The following LINC00305 variants were observed in gnomAD, a reference collection of about 807,000 sequenced individuals.
LINC00305 encodes long independently transcribed non-coding RNA 305.
Position 64,105,943 on chromosome 18 carries a change from T to G in LINC00305, n.315-7303A>C, listed in dbSNP as rs141546174. Among the ~76,000 whole-genome samples, 661 of 152,360 alleles carry G rather than the reference T, an allele frequency of 4.3e-3. 2 individuals carry two copies. Among genetic ancestry groups the G allele is most frequent in the Middle Eastern group, 0.02 (6 of 294 alleles). ...ATAATTAGAAAGGCTTTTATCCCTG[T>G]GCTTTCTCATGTCCTGCAATTGGCC... On this transcript the variant is annotated intron_variant and non_coding_transcript_variant, in intron 1 of 3. Transcript: ENST00000666468.
At chr18:64,110,750 A>G (rs1422351135) in intron 1 of LINC00305, among the ~76,000 whole-genome samples, 1 of 152,232 alleles carries the variant, frequency 6.6e-6, no homozygotes, top group Non-Finnish European at 1.5e-5. Context: ...GAAATGCAGA[A>G]TAAAATAAAC....
chr18:64,110,115 A>T (rs1288169474), intron 1 of LINC00305, among the ~76,000 whole-genome samples: 7 of 152,208 alleles, frequency 4.6e-5, no homozygotes, highest in Non-Finnish European at 8.8e-5. Flanking sequence ...GACATCTAAA[A>T]GGAGGCTTTG....
At chr18:64,116,913 T>G (rs939891119) in intron 1 of LINC00305, among the ~76,000 whole-genome samples, 1 of 152,178 alleles carries the variant, frequency 6.6e-6, no homozygotes, top group East Asian at 1.9e-4. Context: ...CTGAGGGAGC[T>G]TGCTAAAACC....
intron 3 of LINC00305, among the ~76,000 whole-genome samples, chr18:64,089,588 GA>G (rs2051217211): frequency 6.6e-6 from 1 of 152,210 alleles, no homozygotes; most frequent in African/African-American, 2.4e-5. Flanking sequence ...AAGGAGTGGG[GA>G]AAAGGCAGGA....
intron 1 of LINC00305, among the ~76,000 whole-genome samples, chr18:64,144,751 C>T (rs550731182): frequency 4.7e-4 from 72 of 152,270 alleles, no homozygotes; most frequent in African/African-American, 1.7e-3. Flanking sequence ...AAATTGCATG[C>T]AGGATTGTGT....
intron 1 of LINC00305, among the ~76,000 whole-genome samples, chr18:64,142,580 G>T (rs1237385069): frequency 1.3e-5 from 2 of 152,104 alleles, no homozygotes; most frequent in Non-Finnish European, 2.9e-5. Flanking sequence ...GGACCCCCAG[G>T]CACTGCTGGT....
intron 1 of LINC00305, among the ~76,000 whole-genome samples, chr18:64,113,804 G>A (rs563930438): frequency 7.2e-5 from 11 of 152,272 alleles, no homozygotes; most frequent in African/African-American, 2.4e-4. Context: ...TCATGGATAC[G>A]GAGAGGCTGC....
chr18:64,143,816 T>TTATGCGTAC (rs2051483497), intron 1 of LINC00305, among the ~76,000 whole-genome samples: 2 of 151,850 alleles, frequency 1.3e-5, no homozygotes, highest in African/African-American at 4.8e-5. Flanking sequence ...TGTATACATA[T>TTATGCGTAC]ATACACAGAG....
intron 1 of LINC00305, among the ~76,000 whole-genome samples, chr18:64,107,526 AG>A (rs2051296320): frequency 6.6e-6 from 1 of 152,230 alleles, no homozygotes. Flanking sequence ...GCACGGAGGA[AG>A]CATTGGCTTT....
intron 3 of LINC00305, among the ~76,000 whole-genome samples, chr18:64,085,445 C>G (rs2051199518): frequency 1.3e-5 from 2 of 151,438 alleles, no homozygotes; most frequent in Admixed American, 6.6e-5. Flanking sequence ...TTGTGTTACT[C>G]TAATCTCTAT....
intron 3 of LINC00305, among the ~76,000 whole-genome samples, chr18:64,090,213 A>G (rs989487310): frequency 6.6e-6 from 1 of 152,246 alleles, no homozygotes; most frequent in Non-Finnish European, 1.5e-5. Context: ...GCTTTTTAGT[A>G]GAATATGAAA....
chr18:64,088,399 C>T (rs2051212435), intron 3 of LINC00305, among the ~76,000 whole-genome samples: 1 of 152,208 alleles, frequency 6.6e-6, no homozygotes, highest in Admixed American at 6.5e-5. Flanking sequence ...ATTCTTCATG[C>T]ATCTCAGTGC....
At chr18:64,145,575 A>G (rs943714082) in intron 1 of LINC00305, among the ~76,000 whole-genome samples, 2 of 152,080 alleles carry the variant, frequency 1.3e-5, no homozygotes, top group Non-Finnish European at 2.9e-5. Flanking sequence ...AATAACCCAG[A>G]TAATATTTTT....
chr18:64,105,885 A>T (rs994392246), intron 1 of LINC00305, among the ~76,000 whole-genome samples: 1 of 152,246 alleles, frequency 6.6e-6, no homozygotes, highest in Non-Finnish European at 1.5e-5. Context: ...CAAATTAAGG[A>T]GAAATAGCAG....
chr18:64,087,864 G>A (rs2051209314), intron 3 of LINC00305, among the ~76,000 whole-genome samples: 1 of 151,798 alleles, frequency 6.6e-6, no homozygotes, highest in Non-Finnish European at 1.5e-5. Context: ...GGCCGAGGCG[G>A]ATGGATCACA....
intron 3 of LINC00305, among the ~76,000 whole-genome samples, chr18:64,096,663 CA>C (rs1353675838): frequency 2.0e-5 from 3 of 151,896 alleles, no homozygotes; most frequent in African/African-American, 7.2e-5. Context: ...CAACTATAAA[CA>C]ATCATACCAA....
intron 1 of LINC00305, among the ~76,000 whole-genome samples, chr18:64,138,139 A>G (rs1011853380): frequency 6.6e-6 from 1 of 152,194 alleles, no homozygotes; most frequent in African/African-American, 2.4e-5. Context: ...AGCTATGGAG[A>G]AGGCAGTCAG....
intron 1 of LINC00305, among the ~76,000 whole-genome samples, chr18:64,112,095 G>A (rs1319782512): frequency 6.6e-6 from 1 of 152,106 alleles, no homozygotes; most frequent in African/African-American, 2.4e-5. Flanking sequence ...GCGTGTGACA[G>A]TCCTTCATTC....
rs1318197622 is a variant in LINC00305, at chr18:64,083,961, C to T, written n.541-3559G>A. Among the ~76,000 whole-genome samples, 3 of 152,158 alleles carry T rather than the reference C, an allele frequency of 2.0e-5. No individual in the cohort carries two copies. In the East Asian group the frequency reaches 5.8e-4, roughly 29 times the overall value. On this transcript the variant is annotated intron_variant and non_coding_transcript_variant, in intron 3 of 3. Coordinates refer to ENST00000666468, the Ensembl canonical transcript of LINC00305. The stretch of plus-strand genomic sequence containing the variant: ...GGAGAGTTCCTGTAGGGAGGATCCC[C>T]ATGCTGGGCTTCTCTTACCTCTAAA...
Sources: gnomAD v4.1 joint callset for allele counts (sites outside exome capture counted in the v4.1 genomes callset) on GRCh38, gnomAD v4.1.1 for gene constraint, MANE v1.5 for transcripts, NCBI Gene and HGNC (gene_info 2026-07-23, HGNC 2026-07-21) for gene names.